The following ZNF678 variants were observed in gnomAD, a reference collection of about 807,000 sequenced individuals.
ZNF678 encodes hypothetical protein MGC42493.
In ZNF678, 5 loss-of-function variants were observed where a neutral mutation model predicts 3.0. The ratio of observed to expected loss-of-function variants is 1.69; its 90% CI spans 0.88 to 3.56. ZNF678 has a LOEUF of 3.56. Among genes scored for constraint, ZNF678 ranks in the 30% most tolerant of loss-of-function variants. The probability of loss-of-function intolerance (pLI) is 0.00; values close to 1 mark genes in which losing one functional copy is unlikely to be tolerated. For synonymous variants in ZNF678, 218 were observed against 199.6 expected (o/e 1.09, Z -0.78); for missense variants, 593 against 605.0 (o/e 0.98, Z 0.21).
chr1:227,614,118 C>T (rs1658087898), intron 1 of ZNF678, among the ~76,000 whole-genome samples: 1 of 152,188 alleles, frequency 6.6e-6, no homozygotes, highest in East Asian at 1.9e-4. Context: ...CCCAGTTAGA[C>T]CTCCTGCAGA....
intron 1 of ZNF678, among the ~76,000 whole-genome samples, chr1:227,570,494 T>C (rs1309919085): frequency 6.6e-6 from 1 of 152,184 alleles, no homozygotes; most frequent in Non-Finnish European, 1.5e-5. Context: ...ATCTTGGGTT[T>C]TAGCACAGTT....
chr1:227,663,641 T>C (rs1659453762), downstream of ZNF678, among the ~76,000 whole-genome samples: 1 of 152,200 alleles, frequency 6.6e-6, no homozygotes, highest in Non-Finnish European at 1.5e-5. Flanking sequence ...GCAAAGATAC[T>C]CAGGGCCTAG....
intron 1 of ZNF678, among the ~76,000 whole-genome samples, chr1:227,575,897 T>C (rs1656976345): frequency 1.3e-5 from 2 of 152,212 alleles, no homozygotes; most frequent in Non-Finnish European, 2.9e-5. Context: ...ATATGGCTCT[T>C]ATTATTTTGA....
At chr1:227,646,849 G>A (rs1571911717) in intron 2 of ZNF678, among the ~76,000 whole-genome samples, 179 bp downstream of exon 2, 1 of 152,136 alleles carries the variant, frequency 6.6e-6, no homozygotes, top group African/African-American at 2.4e-5. Context: ...GTTTCATCTT[G>A]ACATAAATTT....
downstream of ZNF678, among the ~76,000 whole-genome samples, chr1:227,678,485 C>G (rs1202581893): frequency 6.6e-6 from 1 of 152,198 alleles, no homozygotes; most frequent in African/African-American, 2.4e-5. Context: ...GTTCAATAAT[C>G]CTGTGGGAGA....
chr1:227,676,547 G>T (rs539472262), intron 5 of ZNF678, among the ~76,000 whole-genome samples: 34 of 151,892 alleles, frequency 2.2e-4, no homozygotes, highest in African/African-American at 8.0e-4. Context: ...TATACTTTAA[G>T]TTTTGGGGTA....
chr1:227,654,714 G>T lies in ZNF678; in HGVS notation c.464G>T (p.Cys155Phe), dbSNP rs747051415. ...RIHTGEKPYK[C>F]DECGKVFNWW... ...CATACTGGAGAGAAACCCTACAAAT[G>T]TGACGAATGTGGCAAAGTTTTTAAT... The change falls in exon 4 of 4, where the codon TGT (cysteine) becomes TTT (phenylalanine). Residue 155 changes from cysteine (C) to phenylalanine (F), a missense_variant. Coordinates refer to ENST00000343776, the MANE Select transcript of ZNF678 (RefSeq NM_001367909.1). The T allele has an allele frequency of 3.1e-6, 5 of 1,613,136 alleles. No homozygotes were observed. Among genetic ancestry groups the T allele is most frequent in the Non-Finnish European group, 4.2e-6 (5 of 1,179,396 alleles).
chr1:227,650,099 C>T (rs1659053609), intron 2 of ZNF678, among the ~76,000 whole-genome samples: 1 of 152,126 alleles, frequency 6.6e-6, no homozygotes, highest in African/African-American at 2.4e-5. Context: ...ACAACCATAT[C>T]AAGTAGTTTT....
At chr1:227,664,207 A>G (rs1217286602), downstream of ZNF678, among the ~76,000 whole-genome samples, 3 of 152,216 alleles carry the variant, frequency 2.0e-5, no homozygotes, top group African/African-American at 7.2e-5. Context: ...ATCAGGCATA[A>G]AAGAGAATTC....
At chr1:227,674,520 A>G (rs559108607) in intron 5 of ZNF678, among the ~76,000 whole-genome samples, 47 of 152,098 alleles carry the variant, frequency 3.1e-4, no homozygotes, top group African/African-American at 1.1e-3. Flanking sequence ...AACTTAAAAG[A>G]TGAGCATTTT....
intron 1 of ZNF678, among the ~76,000 whole-genome samples, chr1:227,606,284 G>GA (rs1657868117): frequency 6.6e-6 from 1 of 152,164 alleles, no homozygotes. Flanking sequence ...AGGTCAGCAG[G>GA]AAAACATGTG....
chr1:227,669,108 A>C (rs193141926), intron 5 of ZNF678, among the ~76,000 whole-genome samples: 20 of 152,064 alleles, frequency 1.3e-4, no homozygotes, highest in African/African-American at 4.1e-4. Context: ...AAAAAAAAAA[A>C]CCACTAACAG....
At chr1:227,669,275 A>G (rs1468054028) in intron 5 of ZNF678, among the ~76,000 whole-genome samples, 1 of 152,230 alleles carries the variant, frequency 6.6e-6, no homozygotes, top group Non-Finnish European at 1.5e-5. Flanking sequence ...CACTTTTCAA[A>G]GTAAGACATA....
intron 1 of ZNF678, among the ~76,000 whole-genome samples, chr1:227,608,318 G>A (rs1657929070): frequency 1.3e-5 from 2 of 151,868 alleles, no homozygotes; most frequent in South Asian, 4.1e-4. Flanking sequence ...AAGGAAGCAT[G>A]GTGATTGGAA....
exon 6 of ZNF678, chr1:227,677,320 C>T (rs542195936): frequency 6.6e-6 from 1 of 152,318 alleles, no homozygotes; most frequent in South Asian, 2.1e-4. Context: ...TGCTCCTGAC[C>T]ACTAAGATGG....
intron 5 of ZNF678, among the ~76,000 whole-genome samples, chr1:227,671,184 C>T (rs986673376): frequency 8.0e-5 from 12 of 150,208 alleles, no homozygotes; most frequent in Non-Finnish European, 1.5e-4. Context: ...TTAAGCAATC[C>T]TCTTGCCTTA....
At chr1:227,679,309 A>G (rs1164859366), downstream of ZNF678, among the ~76,000 whole-genome samples, 1 of 152,216 alleles carries the variant, frequency 6.6e-6, no homozygotes, top group Non-Finnish European at 1.5e-5. Flanking sequence ...CAAAGAAAGA[A>G]GAAGTAAAAA....
At chr1:227,566,301 C>A (rs768624155) in intron 1 of ZNF678, among the ~76,000 whole-genome samples, 1 of 152,176 alleles carries the variant, frequency 6.6e-6, no homozygotes, top group Non-Finnish European at 1.5e-5. Context: ...GACATTCTCC[C>A]CCAACCCCCA....
In ZNF678 at chr1:227,655,525, A is replaced by T; in HGVS notation, c.1275A>T (p.Arg425Ser). 1 of 1,612,792 alleles carries T rather than the reference A, an allele frequency of 6.2e-7. No individual in the cohort carries two copies. Residue 425 changes from arginine (R) to serine (S), a missense_variant, in exon 4 of 4, where the codon AGA becomes AGT. By Grantham distance (110) the Arg-to-Ser change is moderately radical. Coordinates refer to ENST00000343776, the MANE Select transcript of ZNF678 (RefSeq NM_001367909.1). ...GCTCTCACCTAACTAGCCATAAGAG[A>T]ATTCATACTGGAGAGAAACCCTACA... ...KQCSHLTSHK[R>S]IHTGEKPYKC...
Sources: allele counts gnomAD v4.1 joint callset (sites outside exome capture counted in the v4.1 genomes callset), GRCh38; gene constraint gnomAD v4.1.1; transcripts MANE v1.5; gene names NCBI Gene and HGNC (gene_info 2026-07-23, HGNC 2026-07-21).